The following ADAMTS15 variants were observed in gnomAD, a reference collection of about 807,000 sequenced individuals.
ADAMTS15 encodes A disintegrin and metalloproteinase with thrombospondin motifs 15.
A neutral mutation model predicts 79.1 loss-of-function variants in ADAMTS15; 35 were observed. The observed-to-expected ratio is 0.44, with a 90% confidence interval of 0.34 to 0.59. ADAMTS15 has a LOEUF of 0.59. Ranked by LOEUF, ADAMTS15 falls within the 20% of genes least tolerant of loss-of-function variation. The pLI is 0.02. For missense variants in ADAMTS15, 1,324 were observed against 1,318.7 expected, an observed-to-expected ratio of 1.00 and a Z score of -0.06; for synonymous variants, 616 against 567.3, an observed-to-expected ratio of 1.09 and a Z score of -1.22.
chr11:130,471,459 G>C, intron 7 of ADAMTS15, 76 bp downstream of exon 7: 1 of 1,514,318 alleles, frequency 6.6e-7, no homozygotes, highest in Non-Finnish European at 8.8e-7. Context: ...TTGGAAGCTT[G>C]GGTTAGACTG....
chr11:130,470,881 C>T, intron 5 of ADAMTS15, 39 bp from the exon 6 acceptor site: 1 of 1,594,206 alleles, frequency 6.3e-7, no homozygotes, highest in Non-Finnish European at 8.5e-7. Flanking sequence ...GGCCTTGTCC[C>T]TTCCCCTCAA....
At chr11:130,470,567 T>C (rs1375828974) in intron 5 of ADAMTS15, among the ~76,000 whole-genome samples, 2 of 152,120 alleles carry the variant, frequency 1.3e-5, no homozygotes, top group African/African-American at 4.8e-5. Flanking sequence ...CACAGACTTG[T>C]TTCAAAATAT....
chr11:130,466,538 C>A (rs528223926), intron 4 of ADAMTS15, among the ~76,000 whole-genome samples: 1 of 152,286 alleles, frequency 6.6e-6, no homozygotes, highest in Non-Finnish European at 1.5e-5. Context: ...CTGTGGATAC[C>A]ATCTTCAAGG....
rs776473666 is a variant in ADAMTS15, at chr11:130,473,210, C to A, written c.2242C>A (p.Arg748=). The A allele has an allele frequency of 6.2e-7, 1 of 1,613,818 alleles. No homozygotes were observed. Among genetic ancestry groups the A allele is most frequent in the Non-Finnish European group, 8.5e-7 (1 of 1,180,036 alleles). The part of the protein sequence containing the change: ...NGHFVVSAVE[R]DLVVKGSLLR... ...GCATTTCGTGGTGTCGGCGGTGGAG[C>A]GGGACCTGGTGGTGAAGGGCAGTCT... is the stretch of plus-strand genomic sequence containing the variant. Residue 748 remains arginine (R), a synonymous_variant, in exon 8 of 8, where the codon CGG becomes AGG. Transcript: ENST00000299164.
Position 130,472,688 on chromosome 11 carries a change from C to CTCCTCG in ADAMTS15, c.2079-354_2079-353insGTCCTC, listed in dbSNP as rs969446350. On this transcript the variant is annotated intron_variant, in intron 7 of 7. Transcript: ENST00000299164. The surrounding 1 kb of genome is among the most constrained non-coding windows in gnomAD (Gnocchi z 4.7). ...TACTCCTCCCGCCCCACCCCTCCTC[C>CTCCTCG]TCCTCCTCCTCCTCCTCCTCGTCCT... Among the ~76,000 whole-genome samples the CTCCTCG allele has an allele frequency of 1.3e-5, 2 of 150,118 alleles. No individual in the cohort carries two copies. Among genetic ancestry groups the CTCCTCG allele is most frequent in the African/African-American group, 5.0e-5 (2 of 39,690 alleles).
chr11:130,470,186 G>GTATATATATATATATATATATATGTATA (rs1938416601), intron 5 of ADAMTS15, among the ~76,000 whole-genome samples: 1 of 67,178 alleles, frequency 1.5e-5, no homozygotes, highest in Non-Finnish European at 2.6e-5. Flanking sequence ...ATATATGTGT[G>GTATATATATATATATATATATATGTATA]TATATATATA....
chr11:130,456,132 A>G (rs901982795), intron 1 of ADAMTS15, among the ~76,000 whole-genome samples: 1 of 152,172 alleles, frequency 6.6e-6, no homozygotes, highest in Non-Finnish European at 1.5e-5. Flanking sequence ...ATGGGGCCTG[A>G]TAATGGCATC....
chr11:130,464,645 G>T (rs567538619), intron 4 of ADAMTS15, among the ~76,000 whole-genome samples: 52 of 152,216 alleles, frequency 3.4e-4, no homozygotes, highest in Admixed American at 1.4e-3. Flanking sequence ...AGAAAAACAT[G>T]CAATTGTGCT....
At chr11:130,473,013 C>G in intron 7 of ADAMTS15, 34 bp from the exon 8 acceptor site, 1 of 1,607,272 alleles carries the variant, frequency 6.2e-7, no homozygotes, top group Admixed American at 1.7e-5. Context: ...GTCCAGGCTT[C>G]TATCTGATGC....
At position 130,470,140 on chromosome 11, in the gene ADAMTS15, ATATATATATATGTG is replaced by A. The variant is rs1565397544; in HGVS notation, c.1720+713_1720+726del. On this transcript the variant is annotated intron_variant, in intron 5 of 7. Coordinates refer to ENST00000299164, the MANE Select transcript of ADAMTS15 (RefSeq NM_139055.4). ...GAATCATATATATATATACATATAT[ATATATATATATGTG>A]TATATATATATATATATATATATAT... Among the ~76,000 whole-genome samples, 43 of 65,588 alleles carry A rather than the reference ATATATATATATGTG, an allele frequency of 6.6e-4. 2 individuals carry two copies. Among genetic ancestry groups the A allele is most frequent in the African/African-American group, 1.2e-3 (14 of 11,994 alleles). 43.0% of individuals were successfully genotyped at this position (65,588 alleles called of 152,430 possible). A position where few individuals can be genotyped will look rare whatever the true frequency, so the allele number is the denominator to read the frequency against.
At chr11:130,469,102 G>C (rs1314008223) in intron 4 of ADAMTS15, among the ~76,000 whole-genome samples, 160 bp from the exon 5 acceptor site, 1 of 152,102 alleles carries the variant, frequency 6.6e-6, no homozygotes, top group Non-Finnish European at 1.5e-5. Flanking sequence ...GTGTGCACTG[G>C]CCATTTGTTT....
At chr11:130,463,989 G>T (rs1938253853) in intron 4 of ADAMTS15, among the ~76,000 whole-genome samples, 1 of 152,202 alleles carries the variant, frequency 6.6e-6, no homozygotes, top group South Asian at 2.1e-4. Flanking sequence ...TGAGGGATAA[G>T]TAGGATCCCT....
chr11:130,461,120 G>A (rs1251213854), intron 1 of ADAMTS15, among the ~76,000 whole-genome samples: 1 of 152,226 alleles, frequency 6.6e-6, no homozygotes, highest in Non-Finnish European at 1.5e-5. Context: ...GCCTCAGCGA[G>A]CCTCCCTTGG....
In ADAMTS15 at chr11:130,462,059, C is replaced by T. The variant is rs766220597; in HGVS notation, c.1091-28C>T. 1.9e-6 allele frequency: 3 copies of T among 1,597,988 alleles called. No individual in the cohort carries two copies. Among genetic ancestry groups the T allele is most frequent in the Non-Finnish European group, 2.6e-6 (3 of 1,168,738 alleles). On this transcript the variant is annotated intron_variant, in intron 2 of 7. Coordinates refer to ENST00000299164, the MANE Select transcript of ADAMTS15 (RefSeq NM_139055.4). This position sits in a 1 kb window ranked among gnomAD's most constrained non-coding sequence, Gnocchi z 4.3. ...CAACCCCCATGTCCTTCCTCCTGCCCTCTCAGTCCTCTTGCCTTACCCCAC... is the reference window on the plus strand; with the variant it reads ...CAACCCCCATGTCCTTCCTCCTGCCTTCTCAGTCCTCTTGCCTTACCCCAC...
Position 130,449,997 on chromosome 11 carries a change from T to A in ADAMTS15, c.957+67T>A. On this transcript the variant is annotated intron_variant, in intron 1 of 7. Transcript: ENST00000299164. The surrounding 1 kb of genome is among the most constrained non-coding windows in gnomAD (Gnocchi z 7.8). Reference sequence around the variant, plus strand: ...TCTTTAGGGTCACCTCCCCTAGCGCTCCAAATCCCCTTTGTATCGTGCAAT... The same window carrying A: ...TCTTTAGGGTCACCTCCCCTAGCGCACCAAATCCCCTTTGTATCGTGCAAT... 2.6e-6 allele frequency: 4 copies of A among 1,560,334 alleles called. No homozygotes were observed. The highest frequency in any genetic ancestry group is 3.5e-6 in the Non-Finnish European group (4 of 1,157,728).
intron 1 of ADAMTS15, among the ~76,000 whole-genome samples, chr11:130,451,216 C>T (rs764468628): frequency 1.3e-5 from 2 of 152,074 alleles, no homozygotes; most frequent in Non-Finnish European, 2.9e-5. Context: ...CTGGGGATGG[C>T]GTGGAATCCT....
intron 1 of ADAMTS15, among the ~76,000 whole-genome samples, chr11:130,454,528 T>C (rs928090128): frequency 2.6e-5 from 4 of 152,230 alleles, no homozygotes; most frequent in African/African-American, 9.6e-5. Context: ...TATCTCCCTA[T>C]ACAATAGAAA....
In ADAMTS15 at chr11:130,474,793, A is replaced by G. The variant is rs1938543561; in HGVS notation, c.*972A>G. The G allele has an allele frequency of 6.6e-6, 1 of 152,140 alleles. No homozygotes were observed. Among genetic ancestry groups the G allele is most frequent in the Non-Finnish European group, 1.5e-5 (1 of 68,056 alleles). The allele number at this position is 152,140 out of a possible 1,614,324, so 9.4% of individuals were successfully genotyped here. The stretch of plus-strand genomic sequence containing the variant: ...GGCTTCCTCCTCCAGAGAGGCACGT[A>G]TATGCAGGCTGACATCCGAGGGTCT... On this transcript the variant is annotated 3_prime_UTR_variant, in exon 8 of 8. Coordinates refer to ENST00000299164, the MANE Select transcript of ADAMTS15 (RefSeq NM_139055.4).
chr11:130,458,779 GC>G (rs2134723410), intron 1 of ADAMTS15, among the ~76,000 whole-genome samples: 1 of 152,310 alleles, frequency 6.6e-6, no homozygotes, highest in Non-Finnish European at 1.5e-5. Context: ...GTGCAGGGCA[GC>G]CCAGAGGCAA....
Sources: gnomAD v4.1 joint callset for allele counts (sites outside exome capture counted in the v4.1 genomes callset) on GRCh38, gnomAD v4.1.1 for gene constraint, Gnocchi (gnomAD v3.1) non-coding constraint, MANE v1.5 for transcripts, NCBI Gene and HGNC (gene_info 2026-07-23, HGNC 2026-07-21) for gene names.